Variants in SGCD observed in about 807,000 individuals in gnomAD.
SGCD encodes the protein delta-sarcoglycan.
In SGCD, 18 loss-of-function variants were observed where a neutral mutation model predicts 36.6. That is an observed-to-expected ratio of 0.49 (90% confidence interval 0.34 to 0.73). The LOEUF (loss-of-function observed/expected upper bound fraction) is 0.73, where lower values mean the gene tolerates loss of function less well. Among genes scored for constraint, SGCD ranks in the 30% least tolerant of loss-of-function variants. The pLI is 0.01. For missense variants in SGCD, 387 were observed against 346.7 expected (o/e 1.12, Z -0.92); for synonymous variants, 133 against 130.6 (o/e 1.02, Z -0.12).
intron 7 of SGCD, among the ~76,000 whole-genome samples, chr5:156,748,094 A>C (rs1224567370): frequency 3.3e-5 from 5 of 152,222 alleles, no homozygotes; most frequent in African/African-American, 9.7e-5. Flanking sequence ...GCCACACGGA[A>C]GAATCTCTAG....
At chr5:156,026,154 T>C (rs995101627) in intron 1 of SGCD, among the ~76,000 whole-genome samples, 4 of 152,206 alleles carry the variant, frequency 2.6e-5, no homozygotes, top group African/African-American at 9.7e-5. Flanking sequence ...AACTTAGTAC[T>C]GTGGGTGGTA....
chr5:156,243,921 G>A (rs1234763638), intron 3 of SGCD, among the ~76,000 whole-genome samples: 3 of 152,240 alleles, frequency 2.0e-5, no homozygotes, highest in African/African-American at 2.4e-5. Flanking sequence ...ATACAAATAA[G>A]TAAATTATGA....
At chr5:155,986,303 G>A (rs980974421) in intron 1 of SGCD, among the ~76,000 whole-genome samples, 2 of 152,154 alleles carry the variant, frequency 1.3e-5, no homozygotes, top group African/African-American at 4.8e-5. Flanking sequence ...CATTTTCAGT[G>A]CATGTTAGCA....
At chr5:156,679,455 T>G (rs867523036) in intron 7 of SGCD, among the ~76,000 whole-genome samples, 1 of 152,168 alleles carries the variant, frequency 6.6e-6, no homozygotes, top group East Asian at 1.9e-4. Context: ...GAATTTGAAT[T>G]GCCTGTCTAC....
At chr5:156,685,499 T>C (rs1753870754) in intron 7 of SGCD, among the ~76,000 whole-genome samples, 1 of 152,156 alleles carries the variant, frequency 6.6e-6, no homozygotes, top group Non-Finnish European at 1.5e-5. Flanking sequence ...CAGAGTGCCA[T>C]AGAGTAGAAA....
intron 1 of SGCD, among the ~76,000 whole-genome samples, chr5:155,874,459 T>TA (rs1561634096): frequency 6.6e-6 from 1 of 151,994 alleles, no homozygotes; most frequent in Non-Finnish European, 1.5e-5. Context: ...AAGCCTCGGT[T>TA]AAAAAAATGA....
chr5:155,734,980 A>T, the SGCD span, among the ~76,000 whole-genome samples: 5 of 152,304 alleles, frequency 3.3e-5, no homozygotes, highest in African/African-American at 9.6e-5. Flanking sequence ...TCTATATATA[A>T]GCTTCTTGAG....
chr5:155,861,400 G>A, the SGCD span, among the ~76,000 whole-genome samples: 1 of 152,064 alleles, frequency 6.6e-6, no homozygotes, highest in South Asian at 2.1e-4. Context: ...TTGTTCTTGT[G>A]GCATAGAAGT....
chr5:156,471,465 T>A (rs374471482), intron 3 of SGCD, among the ~76,000 whole-genome samples: 1 of 152,198 alleles, frequency 6.6e-6, no homozygotes, highest in African/African-American at 2.4e-5. Context: ...TAGGACAAAA[T>A]ATAAAGTCCA....
At chr5:156,294,624 A>G (rs1260267688) in intron 3 of SGCD, among the ~76,000 whole-genome samples, 2 of 152,022 alleles carry the variant, frequency 1.3e-5, no homozygotes, top group African/African-American at 2.4e-5. Context: ...TGGGTTTTTC[A>G]TATGTCTTTT....
chr5:156,371,552 A>G (rs975493036), intron 3 of SGCD, among the ~76,000 whole-genome samples: 1 of 152,214 alleles, frequency 6.6e-6, no homozygotes, highest in Non-Finnish European at 1.5e-5. Context: ...AGTGTCAGAA[A>G]TGTGCCACCC....
intron 1 of SGCD, among the ~76,000 whole-genome samples, chr5:156,031,805 A>C (rs2127575785): frequency 6.6e-6 from 1 of 152,288 alleles, no homozygotes; most frequent in Middle Eastern, 3.4e-3. Flanking sequence ...GCCACACAGT[A>C]ACCAAGGGGC....
At chr5:155,913,708 T>C (rs1756679160) in intron 1 of SGCD, among the ~76,000 whole-genome samples, 1 of 152,196 alleles carries the variant, frequency 6.6e-6, no homozygotes, top group African/African-American at 2.4e-5. Flanking sequence ...GTCCTCATTA[T>C]ATTGAATTAT....
In SGCD at chr5:156,238,552, G is replaced by T. The variant is rs555670880; in HGVS notation, c.-43-90982G>T. Among the ~76,000 whole-genome samples, 52 of 152,302 alleles carry T rather than the reference G, an allele frequency of 3.4e-4. No homozygotes were observed. In the South Asian group the frequency reaches 0.011, roughly 31 times the overall value. ...CCAAGAATAGACTTTATGTGATATA[G>T]TCCCCTGTGGCTACTGAGTGCTCGA... On this transcript the variant is annotated intron_variant, in intron 3 of 9. Coordinates refer to the SGCD transcript ENST00000517913.
intron 1 of SGCD, among the ~76,000 whole-genome samples, chr5:155,884,243 A>G (rs1016307913): frequency 1.3e-5 from 2 of 152,066 alleles, no homozygotes; most frequent in Non-Finnish European, 2.9e-5. Context: ...GTATACTTTC[A>G]AGCCACTTGT....
chr5:155,937,784 A>G (rs571902715), intron 1 of SGCD, among the ~76,000 whole-genome samples: 19 of 152,314 alleles, frequency 1.2e-4, no homozygotes, highest in African/African-American at 3.1e-4. Flanking sequence ...ACACTGTGCA[A>G]TGTGTTATTG....
intron 3 of SGCD, among the ~76,000 whole-genome samples, chr5:156,424,698 G>A: frequency 6.6e-6 from 1 of 152,014 alleles, no homozygotes; most frequent in East Asian, 1.9e-4. Context: ...GAGGACTCAG[G>A]GCACTCAGCA....
intron 1 of SGCD, among the ~76,000 whole-genome samples, chr5:156,045,186 C>A (rs1035335518): frequency 6.6e-6 from 1 of 152,152 alleles, no homozygotes; most frequent in African/African-American, 2.4e-5. Flanking sequence ...CCCTCATGAC[C>A]TAATCACCTC....
At chr5:155,889,061 G>A (rs1469372882) in intron 1 of SGCD, among the ~76,000 whole-genome samples, 1 of 152,112 alleles carries the variant, frequency 6.6e-6, no homozygotes, top group Admixed American at 6.6e-5. Flanking sequence ...CAATTCAAAT[G>A]GTGTATTATT....
Sources: allele counts gnomAD v4.1 joint callset (sites outside exome capture counted in the v4.1 genomes callset), GRCh38; gene constraint gnomAD v4.1.1; transcripts MANE v1.5; gene names NCBI Gene and HGNC (gene_info 2026-07-23, HGNC 2026-07-21).